ANKRD28: variants seen among roughly 807,000 people sequenced by gnomAD.
ANKRD28 encodes ankyrin repeat domain 28.
ANKRD28 carries 44 observed loss-of-function variants against 126.5 expected under a neutral mutation model. The observed-to-expected ratio is 0.35, with a 90% CI of 0.27 to 0.45. ANKRD28 has a LOEUF of 0.45. Ranked by LOEUF, ANKRD28 falls within the 20% of genes least tolerant of loss-of-function variation. ANKRD28 has a pLI of 1.00. For missense variants in ANKRD28, 1,110 were observed against 1,316.6 expected (o/e 0.84, Z 2.43); for synonymous variants, 442 against 468.5 (o/e 0.94, Z 0.73).
At chr3:15,763,135 C>A (rs1393393100) in intron 3 of ANKRD28, among the ~76,000 whole-genome samples, 2 of 152,138 alleles carry the variant, frequency 1.3e-5, no homozygotes, top group African/African-American at 4.8e-5. Context: ...TACTCCAAAC[C>A]CATGTAAGTT....
At chr3:15,707,824 A>C (rs2071661325) in intron 14 of ANKRD28, 100 bp downstream of exon 14, 12 of 1,405,768 alleles carry the variant, frequency 8.5e-6, no homozygotes, top group Admixed American at 4.4e-5. Flanking sequence ...ATCAACAAAA[A>C]ATACAAAGAG....
intron 27 of ANKRD28, among the ~76,000 whole-genome samples, chr3:15,674,255 G>T (rs2066704983): frequency 6.7e-6 from 1 of 150,192 alleles, no homozygotes; most frequent in Non-Finnish European, 1.5e-5. Flanking sequence ...AAGGATCCAG[G>T]TCAGTCTGGT....
rs2126003388 is a variant in ANKRD28, at chr3:15,854,492, C to T, written c.27+4885G>A. Among the ~76,000 whole-genome samples, 1 of 152,342 alleles carries T rather than the reference C, an allele frequency of 6.6e-6. No homozygotes were observed. Among genetic ancestry groups the T allele is most frequent in the East Asian group, 1.9e-4 (1 of 5,184 alleles). On this transcript the variant is annotated intron_variant, in intron 1 of 27. Transcript: ENST00000399451. The surrounding 1 kb of genome is among the most constrained non-coding windows in gnomAD (Gnocchi z 4.1). Reference sequence around the variant, plus strand: ...TTTAAATTCTGAAACATGTTATCTGCACCTCTTACAGAGCTCACCAGGTTC... The same window carrying T: ...TTTAAATTCTGAAACATGTTATCTGTACCTCTTACAGAGCTCACCAGGTTC...
intron 7 of ANKRD28, among the ~76,000 whole-genome samples, chr3:15,722,592 T>A (rs1025098490): frequency 7.2e-5 from 11 of 152,184 alleles, no homozygotes; most frequent in African/African-American, 2.2e-4. Context: ...TCTAAACTTA[T>A]AGTTGGTCAT....
chr3:15,715,876 GA>G (rs947233240), intron 8 of ANKRD28, among the ~76,000 whole-genome samples: 5 of 148,688 alleles, frequency 3.4e-5, no homozygotes, highest in South Asian at 2.1e-4. Context: ...TGTTCAACCA[GA>G]AAAAAAAAGG....
chr3:15,762,286 G>C (rs1352790424), intron 3 of ANKRD28, among the ~76,000 whole-genome samples: 2 of 150,460 alleles, frequency 1.3e-5, no homozygotes. Context: ...AAAAGGCTAT[G>C]GGAGTTATCC....
At chr3:15,687,706 C>T (rs915146890) in intron 18 of ANKRD28, among the ~76,000 whole-genome samples, 42 of 152,038 alleles carry the variant, frequency 2.8e-4, no homozygotes, top group African/African-American at 9.9e-4. Context: ...CTCTCCTACC[C>T]TAGTCCAATC....
intron 3 of ANKRD28, among the ~76,000 whole-genome samples, chr3:15,755,174 T>G (rs1355460156): frequency 6.6e-6 from 1 of 152,132 alleles, no homozygotes; most frequent in East Asian, 1.9e-4. Flanking sequence ...CATGCATTTC[T>G]TCTAAGAGCC....
At chr3:15,736,199 T>C (rs1052669985) in intron 5 of ANKRD28, among the ~76,000 whole-genome samples, 10 of 152,224 alleles carry the variant, frequency 6.6e-5, no homozygotes, top group African/African-American at 9.6e-5. Flanking sequence ...TTTTGAGAGA[T>C]AGACTACATT....
intron 4 of ANKRD28, among the ~76,000 whole-genome samples, chr3:15,744,961 T>C (rs2057380174): frequency 6.6e-6 from 1 of 152,214 alleles, no homozygotes; most frequent in Non-Finnish European, 1.5e-5. Context: ...TGGTATCGCT[T>C]TGTGGTTTTG....
In ANKRD28 at chr3:15,675,957, G is replaced by T; in HGVS notation, c.2906C>A (p.Thr969Lys). The change falls in exon 27 of 28, where the codon ACA becomes AAA. Residue 969 changes from threonine to lysine, a missense_variant. Thr to Lys is a moderately conservative substitution (Grantham distance 78). Coordinates refer to ENST00000683139, the MANE Select transcript of ANKRD28 (RefSeq NM_001349278.2). ...PLHVAARNGL[T>K]MVVQELLGKG... The stretch of plus-strand genomic sequence containing the variant: ...TCCCAAAAGTTCCTGAACCACCATT[G>T]TTAGCCCATTTCGGGCAGCAACATG... The T allele has an allele frequency of 1.9e-6, 3 of 1,612,934 alleles. No individual in the cohort carries two copies. Among genetic ancestry groups the T allele is most frequent in the South Asian group, 1.1e-5 (1 of 90,994 alleles).
chr3:15,682,648 C>G (rs1379729877), intron 21 of ANKRD28, among the ~76,000 whole-genome samples: 1 of 152,156 alleles, frequency 6.6e-6, no homozygotes, highest in African/African-American at 2.4e-5. Flanking sequence ...ACTTGGCCAT[C>G]ATTTCATTTT....
In ANKRD28 at chr3:15,742,087, C is replaced by T. The variant is rs2057075271; in HGVS notation, c.352-4854G>A. Among the ~76,000 whole-genome samples the T allele has an allele frequency of 3.3e-5, 5 of 152,220 alleles. No individual in the cohort carries two copies. In the South Asian group the frequency reaches 1.0e-3, roughly 31 times the overall value. On this transcript the variant is annotated intron_variant, in intron 4 of 27. Coordinates refer to ENST00000683139, the MANE Select transcript of ANKRD28 (RefSeq NM_001349278.2). ...GCAGTGGCGTGATCTCGGCTCGCTA[C>T]AACCTCCACCTCCCAGCCACCTGCC...
At position 15,846,122 on chromosome 3, in the gene ANKRD28, T is replaced by A. The variant is rs1205425752; in HGVS notation, c.27+13255A>T. Among the ~76,000 whole-genome samples the A allele has an allele frequency of 6.6e-6, 1 of 150,600 alleles. No individual in the cohort carries two copies. The highest frequency in any genetic ancestry group is 2.0e-4 in the East Asian group (1 of 5,076). ...CCAAAATCTTAACTCGTCCCAGCGTTAACTCAGAAATCCAAGCCCAAAGTC... is the reference window on the plus strand; with the variant it reads ...CCAAAATCTTAACTCGTCCCAGCGTAAACTCAGAAATCCAAGCCCAAAGTC... On this transcript the variant is annotated intron_variant, in intron 1 of 27. Coordinates refer to the ANKRD28 transcript ENST00000399451. The surrounding 1 kb of genome is among the most constrained non-coding windows in gnomAD (Gnocchi z 5.4).
rs994705483 is a variant in ANKRD28 at position 15,853,694 on chromosome 3, C to T, written c.27+5683G>A. 6.6e-5 allele frequency among the ~76,000 whole-genome samples: 10 copies of T among 152,114 alleles called. No individual in the cohort carries two copies. Among genetic ancestry groups the T allele is most frequent in the African/African-American group, 2.4e-4 (10 of 41,416 alleles). The stretch of plus-strand genomic sequence containing the variant: ...CCGTGTTAGCCAGGATGGTCTCGAT[C>T]TCCTGACCTCATGATCCGCCCGCCT... On this transcript the variant is annotated intron_variant, in intron 1 of 27. Transcript: ENST00000399451. This position sits in a 1 kb window ranked among gnomAD's most constrained non-coding sequence, Gnocchi z 4.2.
intron 23 of ANKRD28, among the ~76,000 whole-genome samples, chr3:15,678,850 A>G (rs1210408072): frequency 6.6e-6 from 1 of 152,260 alleles, no homozygotes; most frequent in Admixed American, 6.5e-5. Context: ...ATAATGTAAA[A>G]ATAATTGAGA....
At chr3:15,859,414 T>C in exon 1 of ANKRD28, 1 of 1,524,546 alleles carries the variant, frequency 6.6e-7, no homozygotes, top group African/African-American at 1.4e-5. Flanking sequence ...GGCGGTCGCC[T>C]CCGCGCCCAC....
intron 2 of ANKRD28, among the ~76,000 whole-genome samples, chr3:15,794,031 C>T (rs1411955804): frequency 1.5e-4 from 23 of 152,140 alleles, no homozygotes; most frequent in Non-Finnish European, 2.2e-4. Context: ...GATCATGCCA[C>T]TACACTCCAG....
chr3:15,825,665 T>C (rs530337610), intron 1 of ANKRD28, among the ~76,000 whole-genome samples: 1 of 152,266 alleles, frequency 6.6e-6, no homozygotes, highest in African/African-American at 2.4e-5. Context: ...AAGTTCTGAA[T>C]GAGTGACCCC....
Sources: gnomAD v4.1 joint callset for allele counts (sites outside exome capture counted in the v4.1 genomes callset) on GRCh38, gnomAD v4.1.1 for gene constraint, Gnocchi (gnomAD v3.1) non-coding constraint, MANE v1.5 for transcripts, NCBI Gene and HGNC (gene_info 2026-07-23, HGNC 2026-07-21) for gene names.